Variants in CDC73 observed in about 807,000 individuals in gnomAD.
CDC73 encodes the protein cell division cycle 73, also known as parafibromin.
In CDC73, 21 loss-of-function variants were observed where a neutral mutation model predicts 83.7. The observed-to-expected ratio is 0.25, with a 90% confidence interval of 0.18 to 0.36. The LOEUF is 0.36. Ranked by LOEUF, CDC73 falls within the 10% of genes least tolerant of loss-of-function variation. CDC73 has a pLI of 1.00. For synonymous variants in CDC73, 224 were observed against 212.9 expected (o/e 1.05, Z -0.45); for missense variants, 342 against 653.3 (o/e 0.52, Z 5.19).
intron 10 of CDC73, among the ~76,000 whole-genome samples, chr1:193,203,366 T>A (rs549145117): frequency 4.9e-4 from 74 of 152,288 alleles, no homozygotes; most frequent in African/African-American, 1.7e-3. Context: ...CATTCCAATA[T>A]AACATATTTT....
chr1:193,192,408 A>G (rs539095873), intron 10 of CDC73, among the ~76,000 whole-genome samples: 3 of 152,300 alleles, frequency 2.0e-5, no homozygotes, highest in Non-Finnish European at 2.9e-5. Flanking sequence ...GCGCCACTGC[A>G]CTCCAGCCTG....
At chr1:193,199,394 T>TA (rs942381472) in intron 10 of CDC73, among the ~76,000 whole-genome samples, 4 of 151,424 alleles carry the variant, frequency 2.6e-5, no homozygotes, top group Non-Finnish European at 4.4e-5. Context: ...CCTGATCCCT[T>TA]AAAAAAAAGA....
chr1:193,167,723 T>C (rs1347225176), intron 10 of CDC73, among the ~76,000 whole-genome samples: 1 of 152,188 alleles, frequency 6.6e-6, no homozygotes, highest in Admixed American at 6.5e-5. Context: ...GAGTTGGGAA[T>C]GTTGCAATGA....
chr1:193,242,241 A>G (rs762239605), intron 15 of CDC73, among the ~76,000 whole-genome samples: 1 of 151,948 alleles, frequency 6.6e-6, no homozygotes, highest in Non-Finnish European at 1.5e-5. Context: ...TGCTTAGGGC[A>G]TGTGTAGGAC....
intron 13 of CDC73, among the ~76,000 whole-genome samples, chr1:193,222,453 C>A (rs535643810): frequency 6.6e-6 from 1 of 152,330 alleles, no homozygotes; most frequent in African/African-American, 2.4e-5. Context: ...GCAAAATGAT[C>A]TAGCCACTTT....
intron 7 of CDC73, among the ~76,000 whole-genome samples, chr1:193,147,062 G>A (rs1384098764): frequency 6.6e-6 from 1 of 151,608 alleles, no homozygotes; most frequent in East Asian, 1.9e-4. Context: ...GCGCTATCAC[G>A]GCTCACTGCA....
intron 10 of CDC73, among the ~76,000 whole-genome samples, chr1:193,190,475 A>G (rs1676900667): frequency 6.6e-6 from 1 of 152,234 alleles, no homozygotes; most frequent in South Asian, 2.1e-4. Flanking sequence ...TGATTTATGA[A>G]CCAGCTTTAC....
chr1:193,212,337 G>T (rs1309704556), intron 12 of CDC73, 53 bp from the exon 13 acceptor site: 1 of 1,099,242 alleles, frequency 9.1e-7, no homozygotes, highest in Non-Finnish European at 1.3e-6. Flanking sequence ...AGTAGAGAAA[G>T]TAAGTATAAT....
chr1:193,233,717 A>G (rs879002843), intron 14 of CDC73, among the ~76,000 whole-genome samples: 4 of 152,090 alleles, frequency 2.6e-5, no homozygotes, highest in Non-Finnish European at 4.4e-5. Flanking sequence ...GAGAATTTCA[A>G]TTTTCTGGTA....
intron 15 of CDC73, among the ~76,000 whole-genome samples, chr1:193,238,971 A>G (rs1346284551): frequency 6.6e-5 from 10 of 152,196 alleles, no homozygotes. Context: ...CAAGGATCAA[A>G]TGTATATGGT....
intron 11 of CDC73, among the ~76,000 whole-genome samples, chr1:193,205,201 C>CG (rs963551821): frequency 8.6e-6 from 1 of 116,116 alleles, no homozygotes; most frequent in African/African-American, 3.8e-5. Flanking sequence ...CCTGTCCCCC[C>CG]CCCCCCCTTT....
intron 11 of CDC73, among the ~76,000 whole-genome samples, chr1:193,205,906 T>A (rs1178130434): frequency 6.6e-6 from 1 of 152,092 alleles, no homozygotes; most frequent in African/African-American, 2.4e-5. Flanking sequence ...GAACCACAGA[T>A]AAGAGAATTG....
intron 10 of CDC73, chr1:193,186,042 T>G (rs1449522249): frequency 6.6e-6 from 1 of 152,438 alleles, no homozygotes; most frequent in Non-Finnish European, 1.5e-5. Flanking sequence ...GCCATTTATG[T>G]GAAGAGGATT....
intron 10 of CDC73, among the ~76,000 whole-genome samples, chr1:193,158,001 T>C (rs1558291419): frequency 6.6e-6 from 1 of 151,776 alleles, no homozygotes; most frequent in Admixed American, 6.6e-5. Context: ...TAGCTACTTG[T>C]ATTATTAATT....
At chr1:193,161,617 T>A (rs1470061684) in intron 10 of CDC73, among the ~76,000 whole-genome samples, 1 of 51,128 alleles carries the variant, frequency 2.0e-5, no homozygotes, top group East Asian at 3.0e-4. Context: ...ATAATATATA[T>A]TATATGATAG....
At chr1:193,178,873 T>TA (rs1435283204) in intron 10 of CDC73, among the ~76,000 whole-genome samples, 3 of 152,248 alleles carry the variant, frequency 2.0e-5, no homozygotes. Flanking sequence ...GAATAAGAGG[T>TA]AAAAATGATT....
intron 10 of CDC73, chr1:193,180,263 A>C (rs1362688019): frequency 5.9e-6 from 9 of 1,520,334 alleles, no homozygotes; most frequent in Non-Finnish European, 7.9e-6. Flanking sequence ...CAATATTTAC[A>C]AATTGCACAT....
intron 11 of CDC73, among the ~76,000 whole-genome samples, chr1:193,206,810 A>G (rs560170270): frequency 6.6e-6 from 1 of 152,278 alleles, no homozygotes; most frequent in South Asian, 2.1e-4. Context: ...ATTTCATCAA[A>G]TATTTATTTA....
intron 3 of CDC73, 136 bp from the exon 4 acceptor site, chr1:193,135,245 TGCAGAGCTGC>T: frequency 1.5e-6 from 1 of 676,238 alleles, no homozygotes; most frequent in Admixed American, 2.5e-5. Flanking sequence ...AACATGTTTT[TGCAGAGCTGC>T]TTTAAAACTG....
Sources: gnomAD v4.1 joint callset for allele counts (sites outside exome capture counted in the v4.1 genomes callset) on GRCh38, gnomAD v4.1.1 for gene constraint, MANE v1.5 for transcripts, NCBI Gene and HGNC (gene_info 2026-07-23, HGNC 2026-07-21) for gene names.